The following TAF2 variants were observed in gnomAD, a reference collection of about 807,000 sequenced individuals.
TAF2 encodes TATA-box binding protein associated factor 2.
In TAF2, 61 loss-of-function variants were observed where a neutral mutation model predicts 138.5. The observed-to-expected ratio is 0.44, with a 90% confidence interval of 0.36 to 0.54. TAF2 has a LOEUF of 0.54. TAF2 is among the 20% of genes least tolerant of loss of function. The pLI is 0.00. For missense variants in TAF2, 1,090 were observed against 1,427.9 expected, an observed-to-expected ratio of 0.76 and a Z score of 3.81; for synonymous variants, 475 against 469.9, an observed-to-expected ratio of 1.01 and a Z score of -0.14.
At chr8:119,767,007 A>G (rs16893140) in intron 18 of TAF2, 42,828 of 152,114 alleles carry the variant, frequency 0.28, 7,080 homozygotes, top group Admixed American at 0.47. Context: ...ACACACCTGC[A>G]TATATCTTCT....
At chr8:119,782,510 T>G (rs1257693151) in intron 16 of TAF2, among the ~76,000 whole-genome samples, 2 of 152,138 alleles carry the variant, frequency 1.3e-5, no homozygotes, top group African/African-American at 2.4e-5. Flanking sequence ...TTATTATCAT[T>G]AAAAATAAAT....
intron 20 of TAF2, among the ~76,000 whole-genome samples, chr8:119,758,674 G>A (rs1268281576): frequency 2.0e-5 from 3 of 152,132 alleles, no homozygotes; most frequent in East Asian, 1.9e-4. Context: ...GACATAAAAT[G>A]ACTAGCTATT....
intron 9 of TAF2, 59 bp from the exon 10 acceptor site, chr8:119,793,510 A>G: frequency 1.6e-6 from 2 of 1,217,394 alleles, no homozygotes; most frequent in Admixed American, 1.8e-5. Flanking sequence ...TTTTTTACAT[A>G]CCAAATTTTA....
chr8:119,766,558 G>C (rs1821431706), intron 18 of TAF2, among the ~76,000 whole-genome samples: 1 of 152,190 alleles, frequency 6.6e-6, no homozygotes. Flanking sequence ...GGGAGGCTGA[G>C]GTGGGTGGAT....
chr8:119,797,159 G>A (rs1417176925), intron 7 of TAF2, 56 bp from the exon 8 acceptor site: 31 of 1,218,864 alleles, frequency 2.5e-5, no homozygotes, highest in Admixed American at 3.6e-5. Flanking sequence ...TACTTATTCA[G>A]TGAAAATAAA....
intron 6 of TAF2, among the ~76,000 whole-genome samples, chr8:119,799,684 G>T (rs1469136666): frequency 6.6e-6 from 1 of 152,136 alleles, no homozygotes; most frequent in East Asian, 1.9e-4. Flanking sequence ...GGATGGCTGG[G>T]TCAAATGGTA....
intron 14 of TAF2, among the ~76,000 whole-genome samples, chr8:119,787,112 C>A (rs1823067555): frequency 6.6e-6 from 1 of 152,124 alleles, no homozygotes. Flanking sequence ...TCAGAGTGAA[C>A]AGGCAACCTA....
rs565265901 is a variant in TAF2, at chr8:119,819,518, G to A, written c.139-12C>T. On this transcript the variant is annotated splice_polypyrimidine_tract_variant and intron_variant, in intron 2 of 25. Coordinates refer to ENST00000378164, the MANE Select transcript of TAF2 (RefSeq NM_003184.4). ...AGTTCCACAAATCCCTGTAAAGATA[G>A]AGAATAACAACTTCATTATAAAGAC... is the stretch of plus-strand genomic sequence containing the variant. 77 of 1,596,660 alleles carry A rather than the reference G, an allele frequency of 4.8e-5. No homozygotes were observed. The highest frequency in any genetic ancestry group is 6.3e-5 in the Non-Finnish European group (74 of 1,172,850).
chr8:119,732,292 TTA>T, intron 25 of TAF2, 106 bp from the exon 26 acceptor site: 1 of 1,010,346 alleles, frequency 9.9e-7, no homozygotes. Context: ...TCCTAAGTTT[TTA>T]TCACTTCTAT....
In TAF2 at chr8:119,745,861, AAC is replaced by A. The variant is rs199897350; in HGVS notation, c.3108+842_3108+843del. 1.2e-4 allele frequency among the ~76,000 whole-genome samples: 18 copies of A among 150,694 alleles called. No individual in the cohort carries two copies. The East Asian group carries it at 2.0e-3, about 16-fold the overall frequency. On this transcript the variant is annotated intron_variant, in intron 23 of 25. Coordinates refer to ENST00000378164, the MANE Select transcript of TAF2 (RefSeq NM_003184.4). ...TGTGATATAAAATGTTTTAAAATGT[AAC>A]ACACAGTCTCCTCCCAAATCAGCAG...
intron 3 of TAF2, among the ~76,000 whole-genome samples, chr8:119,809,932 T>G (rs551689690): frequency 6.6e-6 from 1 of 151,036 alleles, no homozygotes; most frequent in Non-Finnish European, 1.5e-5. Flanking sequence ...GAAATGTGCA[T>G]GTGTTGTTGG....
At chr8:119,827,166 C>T (rs1294221856) in intron 2 of TAF2, among the ~76,000 whole-genome samples, 2 of 152,122 alleles carry the variant, frequency 1.3e-5, no homozygotes, top group African/African-American at 4.8e-5. Flanking sequence ...TGCACTCCAG[C>T]CTAGGCGACA....
chr8:119,793,248 C>T (rs1823567381), intron 10 of TAF2, 118 bp downstream of exon 10: 1 of 795,020 alleles, frequency 1.3e-6, no homozygotes, highest in Non-Finnish European at 2.0e-6. Flanking sequence ...CAAAGAATAG[C>T]AATAAGAAAA....
chr8:119,785,347 A>G (rs1822944414), intron 14 of TAF2, 81 bp from the exon 15 acceptor site: 3 of 955,672 alleles, frequency 3.1e-6, no homozygotes, highest in East Asian at 2.5e-5. Context: ...AAATTCAAAT[A>G]AAGTATTTCA....
chr8:119,794,395 C>CAAA lies in TAF2; in HGVS notation c.1192-947_1192-945dup, dbSNP rs147358018. 2.7e-4 allele frequency among the ~76,000 whole-genome samples: 32 copies of CAAA among 119,082 alleles called. 1 individual carries two copies. The highest frequency in any genetic ancestry group is 8.4e-4 in the African/African-American group (29 of 34,348). The allele number at this position is 119,082 out of a possible 152,430, so 78.1% of individuals were successfully genotyped here. A position where few individuals can be genotyped will look rare whatever the true frequency, so the allele number is the denominator to read the frequency against. The stretch of plus-strand genomic sequence containing the variant: ...TGAGCAACAGAGTGAGACTCCGTCT[C>CAAA]AAAAAAAAAAAAAAGCATAAGTTAA... On this transcript the variant is annotated intron_variant, in intron 9 of 25. Coordinates refer to ENST00000378164, the MANE Select transcript of TAF2 (RefSeq NM_003184.4).
rs766432964 is a variant in TAF2 at position 119,742,705 on chromosome 8, C to T, written c.3215-49G>A. On this transcript the variant is annotated intron_variant, in intron 24 of 25. Coordinates refer to ENST00000378164, the MANE Select transcript of TAF2 (RefSeq NM_003184.4). ...AAGAGGGATTTATTTCTTTGTTTCC[C>T]AAAAGAAAAAAAAAGGCTGACAGGT... 15 of 1,587,430 alleles carry T rather than the reference C, an allele frequency of 9.4e-6. No homozygotes were observed. In the Admixed American group the frequency reaches 2.7e-4, roughly 29 times the overall value.
At chr8:119,762,688 A>G in intron 18 of TAF2, 80 bp from the exon 19 acceptor site, 1 of 1,332,256 alleles carries the variant, frequency 7.5e-7, no homozygotes, top group Non-Finnish European at 1.0e-6. Context: ...TTGTATAATT[A>G]CATTTTAGAT....
At chr8:119,742,995 G>A (rs1819704935) in intron 24 of TAF2, among the ~76,000 whole-genome samples, 2 of 152,020 alleles carry the variant, frequency 1.3e-5, no homozygotes, top group Admixed American at 1.3e-4. Context: ...CTTGAACCCG[G>A]GAGGCAAAGG....
intron 16 of TAF2, 55 bp downstream of exon 16, chr8:119,783,326 G>T: frequency 6.4e-7 from 1 of 1,573,848 alleles, no homozygotes. Context: ...TTCATTTTCA[G>T]AGATACAAAA....
Sources: allele counts gnomAD v4.1 joint callset (sites outside exome capture counted in the v4.1 genomes callset), GRCh38; gene constraint gnomAD v4.1.1; transcripts MANE v1.5; gene names NCBI Gene and HGNC (gene_info 2026-07-23, HGNC 2026-07-21).